Variants in EFCAB5 observed in about 807,000 individuals in gnomAD.
The protein encoded by EFCAB5 is EF-hand calcium-binding domain-containing protein 5.
In EFCAB5, 131 loss-of-function variants were observed where a neutral mutation model predicts 167.9. The ratio of observed to expected loss-of-function variants is 0.78; its 90% CI spans 0.68 to 0.90. EFCAB5 has a LOEUF of 0.90. Among genes scored for constraint, EFCAB5 ranks in the 40% least tolerant of loss-of-function variants. The pLI, the probability that EFCAB5 is intolerant of heterozygous loss-of-function variation, is 0.00. For missense variants in EFCAB5, 1,663 were observed against 1,745.2 expected (o/e 0.95, Z 0.84); for synonymous variants, 574 against 602.8 (o/e 0.95, Z 0.70).
chr17:30,066,095 A>C (rs564680824), intron 14 of EFCAB5, among the ~76,000 whole-genome samples: 1 of 152,358 alleles, frequency 6.6e-6, no homozygotes, highest in Admixed American at 6.5e-5. Flanking sequence ...ACATTAGACC[A>C]AATGGACCTA....
intron 7 of EFCAB5, among the ~76,000 whole-genome samples, chr17:30,004,419 C>T (rs1358683211): frequency 6.6e-6 from 1 of 152,190 alleles, no homozygotes; most frequent in Admixed American, 6.5e-5. Flanking sequence ...CTTGTTATTG[C>T]TCAGTGGAGG....
intron 3 of EFCAB5, among the ~76,000 whole-genome samples, chr17:29,953,341 T>C (rs1480182895): frequency 6.6e-6 from 1 of 152,160 alleles, no homozygotes; most frequent in Admixed American, 6.5e-5. Context: ...TTTGACTGTG[T>C]CCCCACCCAA....
chr17:30,046,449 T>C (rs981591893), intron 8 of EFCAB5, among the ~76,000 whole-genome samples: 2 of 152,152 alleles, frequency 1.3e-5, no homozygotes, highest in African/African-American at 2.4e-5. Flanking sequence ...TCAGCTCAAA[T>C]TGCAGTCAGA....
intron 4 of EFCAB5, among the ~76,000 whole-genome samples, chr17:29,980,372 G>A (rs559465795): frequency 3.3e-5 from 5 of 152,152 alleles, no homozygotes; most frequent in Admixed American, 6.5e-5. Context: ...GCAGTTGTCC[G>A]TATACACTCT....
intron 17 of EFCAB5, among the ~76,000 whole-genome samples, chr17:30,082,091 G>GT (rs935504727): frequency 2.6e-5 from 4 of 152,148 alleles, no homozygotes; most frequent in Non-Finnish European, 5.9e-5. Context: ...CCTTATGCCT[G>GT]TAAGAGGACT....
intron 8 of EFCAB5, among the ~76,000 whole-genome samples, chr17:30,038,046 T>C (rs2069672424): frequency 6.6e-6 from 1 of 152,212 alleles, no homozygotes; most frequent in Admixed American, 6.5e-5. Context: ...AAGAGGTGGC[T>C]GAAAGCTGGG....
chr17:30,000,266 A>C (rs2068633758), intron 7 of EFCAB5, among the ~76,000 whole-genome samples: 1 of 152,184 alleles, frequency 6.6e-6, no homozygotes, highest in African/African-American at 2.4e-5. Context: ...TCAAACAATA[A>C]TGAGATCTAA....
At chr17:30,102,896 A>G (rs1290450572) in intron 22 of EFCAB5, among the ~76,000 whole-genome samples, 1 of 151,984 alleles carries the variant, frequency 6.6e-6, no homozygotes, top group East Asian at 1.9e-4. Context: ...CAGTGGCACA[A>G]TCTTGGCTTA....
intron 20 of EFCAB5, 43 bp from the exon 21 acceptor site, chr17:30,091,828 A>C (rs2071203255): frequency 6.3e-7 from 1 of 1,599,820 alleles, no homozygotes; most frequent in African/African-American, 1.3e-5. Context: ...AGCAATGTAC[A>C]TTAGACTGAA....
chr17:30,053,196 G>T, intron 9 of EFCAB5, 59 bp from the exon 10 acceptor site: 1 of 1,514,146 alleles, frequency 6.6e-7, no homozygotes. Context: ...TAATTTAATA[G>T]CTCTAATTCT....
intron 7 of EFCAB5, among the ~76,000 whole-genome samples, chr17:30,000,365 A>G (rs1177569984): frequency 6.6e-6 from 1 of 152,214 alleles, no homozygotes; most frequent in East Asian, 1.9e-4. Context: ...TTACAGATGA[A>G]GACACCAAGA....
chr17:30,089,401 G>T (rs1421978003), intron 19 of EFCAB5, among the ~76,000 whole-genome samples: 1 of 152,118 alleles, frequency 6.6e-6, no homozygotes, highest in Admixed American at 6.5e-5. Flanking sequence ...GATTGATATA[G>T]AAACTATAAA....
chr17:30,010,631 T>C (rs1375849145), intron 7 of EFCAB5, among the ~76,000 whole-genome samples: 3 of 152,244 alleles, frequency 2.0e-5, no homozygotes, highest in African/African-American at 7.2e-5. Context: ...TCATATCCTT[T>C]GCCCACTTTT....
chr17:29,955,779 C>A (rs1796646925), intron 3 of EFCAB5, among the ~76,000 whole-genome samples: 1 of 146,764 alleles, frequency 6.8e-6, no homozygotes, highest in African/African-American at 2.5e-5. Flanking sequence ...TGTTAAACTA[C>A]CAATGACATT....
At chr17:30,068,609 G>GCA in intron 14 of EFCAB5, 1 of 1,447,892 alleles carries the variant, frequency 6.9e-7, no homozygotes, top group Non-Finnish European at 9.2e-7. Context: ...TCCCTTGTGG[G>GCA]GCTGCCTGTG....
chr17:29,962,632 C>CTT lies in EFCAB5; in HGVS notation c.191-6141_191-6140dup, dbSNP rs796553756. On this transcript the variant is annotated intron_variant, in intron 3 of 22. Transcript: ENST00000394835. Reference sequence around the variant, plus strand: ...TACGGGTACGTGCCACCATGCCTGGCTTTTTTTTTTTTTTTTTTTAGACAG... The same window carrying CTT: ...TACGGGTACGTGCCACCATGCCTGGCTTTTTTTTTTTTTTTTTTTTTAGACAG... Among the ~76,000 whole-genome samples the CTT allele has an allele frequency of 9.7e-3, 1,073 of 110,388 alleles. 35 individuals carry two copies. The highest frequency in any genetic ancestry group is 0.028 in the African/African-American group (813 of 28,728). The allele number at this position is 110,388 out of a possible 152,430, so 72.4% of individuals were successfully genotyped here.
At chr17:30,093,937 CAGA>C (rs1471687449) in intron 22 of EFCAB5, among the ~76,000 whole-genome samples, 1 of 152,076 alleles carries the variant, frequency 6.6e-6, no homozygotes, top group East Asian at 1.9e-4. Context: ...CTGTTTGTGC[CAGA>C]AGGAGAGGAG....
At chr17:29,933,186 G>A (rs1475665845) in intron 1 of EFCAB5, among the ~76,000 whole-genome samples, 1 of 152,114 alleles carries the variant, frequency 6.6e-6, no homozygotes, top group South Asian at 2.1e-4. Context: ...CTGTCACCTC[G>A]GCTAGGCGCG....
intron 4 of EFCAB5, among the ~76,000 whole-genome samples, chr17:29,977,355 A>T (rs1463714253): frequency 3.3e-5 from 5 of 152,188 alleles, no homozygotes; most frequent in Non-Finnish European, 7.4e-5. Flanking sequence ...TAAAATATAA[A>T]ACTTTTAAGC....
Sources: gnomAD v4.1 joint callset for allele counts (sites outside exome capture counted in the v4.1 genomes callset) on GRCh38, gnomAD v4.1.1 for gene constraint, MANE v1.5 for transcripts, NCBI Gene and HGNC (gene_info 2026-07-23, HGNC 2026-07-21) for gene names.